KIAA0586: variants seen among roughly 807,000 people sequenced by gnomAD.
KIAA0586 encodes the protein protein TALPID3.
Under a neutral mutation model 169.8 loss-of-function variants are expected in KIAA0586, and 144 were observed. That is an observed-to-expected ratio of 0.85 (90% CI 0.74 to 0.97). The LOEUF is 0.97. Ranked by LOEUF, KIAA0586 falls within the 50% of genes least tolerant of loss-of-function variation. The probability of loss-of-function intolerance (pLI) is 0.00; values close to 1 mark genes in which losing one functional copy is unlikely to be tolerated. For synonymous variants in KIAA0586, 625 were observed against 612.4 expected, an observed-to-expected ratio of 1.02 and a Z score of -0.30; for missense variants, 1,854 against 1,823.0, an observed-to-expected ratio of 1.02 and a Z score of -0.31.
rs1475428349 is a variant in KIAA0586 at position 58,454,901 on chromosome 14, A to G, written c.1253+1428A>G. ...TGGTAGATGTTCTTTTTCTTTCAGC[A>G]TTTTGAATATGTCACCTGACTGCCT... On this transcript the variant is annotated intron_variant, in intron 9 of 30. Coordinates refer to ENST00000652326, the MANE Select transcript of KIAA0586 (RefSeq NM_001329943.3). Among the ~76,000 whole-genome samples the G allele has an allele frequency of 3.0e-4, 45 of 152,136 alleles. 1 individual carries two copies. The highest frequency in any genetic ancestry group is 2.9e-5 in the Non-Finnish European group (2 of 68,012).
At chr14:58,480,524 C>T (rs932480822) in intron 20 of KIAA0586, among the ~76,000 whole-genome samples, 1 of 152,018 alleles carries the variant, frequency 6.6e-6, no homozygotes, top group African/African-American at 2.4e-5. Flanking sequence ...GTATTTGGGC[C>T]GACAACTTGC....
chr14:58,456,023 C>T (rs923711724), intron 9 of KIAA0586, among the ~76,000 whole-genome samples: 3 of 61,958 alleles, frequency 4.8e-5, no homozygotes, highest in East Asian at 4.9e-4. Flanking sequence ...AGATGTTAAA[C>T]AATTGCCACC....
Position 58,482,399 on chromosome 14 carries a change from C to T in KIAA0586, c.2945-114C>T, listed in dbSNP as rs145407010. ...CAAGATCACATCATTGCACTCCAGC[C>T]TGGGTGACAGAGTGACACTACGTCT... On this transcript the variant is annotated intron_variant, in intron 20 of 30. Coordinates refer to ENST00000652326, the MANE Select transcript of KIAA0586 (RefSeq NM_001329943.3). 123 of 783,468 alleles carry T rather than the reference C, an allele frequency of 1.6e-4. No homozygotes were observed. The Middle Eastern group carries it at 2.4e-3, about 16-fold the overall frequency. The allele number at this position is 783,468 out of a possible 1,614,324, so 48.5% of individuals were successfully genotyped here. A position where few individuals can be genotyped will look rare whatever the true frequency, so the allele number is the denominator to read the frequency against.
intron 4 of KIAA0586, chr14:58,439,722 A>T: frequency 2.1e-6 from 1 of 487,730 alleles, no homozygotes; most frequent in Non-Finnish European, 2.7e-6. Context: ...TGACTTCAAC[A>T]TTTTGAGACT....
At chr14:58,528,148 A>T (rs1226791892) in intron 29 of KIAA0586, among the ~76,000 whole-genome samples, 1 of 152,262 alleles carries the variant, frequency 6.6e-6, no homozygotes, top group Non-Finnish European at 1.5e-5. Flanking sequence ...CGACAAGAAG[A>T]GCTAACTATC....
At chr14:58,445,988 C>A (rs1250246105) in intron 6 of KIAA0586, among the ~76,000 whole-genome samples, 1 of 151,432 alleles carries the variant, frequency 6.6e-6, no homozygotes, top group Admixed American at 6.6e-5. Context: ...CCTGCCACAG[C>A]CTCCCAAGTA....
intron 30 of KIAA0586, among the ~76,000 whole-genome samples, chr14:58,545,888 G>C (rs956984722): frequency 1.3e-5 from 2 of 151,944 alleles, no homozygotes; most frequent in Non-Finnish European, 2.9e-5. Flanking sequence ...TTAAAAATTA[G>C]CCAGGCATGG....
intron 24 of KIAA0586, 147 bp downstream of exon 24, chr14:58,489,021 A>T: frequency 1.2e-6 from 1 of 817,704 alleles, no homozygotes; most frequent in Non-Finnish European, 1.9e-6. Context: ...AATTTAGTTA[A>T]CTTTTCTGGG....
intron 26 of KIAA0586, 46 bp from the exon 27 acceptor site, chr14:58,498,737 T>C: frequency 6.6e-7 from 1 of 1,517,940 alleles, no homozygotes. Context: ...CTGTTTTGAC[T>C]TGATTTTAAT....
chr14:58,474,613 GA>G lies in KIAA0586; in HGVS notation c.2646del (p.Lys882AsnfsTer47). The G allele has an allele frequency of 6.3e-7, 1 of 1,579,518 alleles. No individual in the cohort carries two copies. The highest frequency in any genetic ancestry group is 8.6e-7 in the Non-Finnish European group (1 of 1,167,402). Reference protein sequence around the residue: ...DEIIDVIQEEEKCDEIPDSEP... With the variant: ...DEIIDVIQEEXKCDEIPDSEP... The stretch of plus-strand genomic sequence containing the variant: ...TTGTTTTTGTTACTACCAGGAAGAA[GA>G]AAAATGTGATGAAATTCCAGACTCT... On this transcript the variant is annotated frameshift_variant, in exon 19 of 31. Coordinates refer to ENST00000652326, the MANE Select transcript of KIAA0586 (RefSeq NM_001329943.3). LOFTEE classifies it high-confidence loss of function.
At chr14:58,537,572 T>C (rs1366804331) in intron 29 of KIAA0586, among the ~76,000 whole-genome samples, 1 of 152,216 alleles carries the variant, frequency 6.6e-6, no homozygotes, top group Non-Finnish European at 1.5e-5. Flanking sequence ...TTTCTGTCCC[T>C]CTCTAACTCT....
In KIAA0586 at chr14:58,488,858, A is replaced by G; in HGVS notation, c.3765A>G (p.Gln1255=). The change falls in exon 24 of 31, where the codon CAA becomes CAG. Residue 1255 remains glutamine, a synonymous_variant. Coordinates refer to ENST00000652326, the MANE Select transcript of KIAA0586 (RefSeq NM_001329943.3). The part of the protein sequence containing the change: ...SEGEILFSCG[Q]KLAPKILEDI... ...GAGAGATTTTATTTAGCTGTGGTCAAAAATTGGCCCCCAAGAGTAAGTTAA... is the reference window on the plus strand; with the variant it reads ...GAGAGATTTTATTTAGCTGTGGTCAGAAATTGGCCCCCAAGAGTAAGTTAA... 6.2e-7 allele frequency: 1 copy of G among 1,613,866 alleles called. No individual in the cohort carries two copies. The highest frequency in any genetic ancestry group is 8.5e-7 in the Non-Finnish European group (1 of 1,179,810).
At chr14:58,489,154 C>T (rs986298474) in intron 24 of KIAA0586, among the ~76,000 whole-genome samples, 1 of 151,468 alleles carries the variant, frequency 6.6e-6, no homozygotes, top group Non-Finnish European at 1.5e-5. Context: ...CACATAAATA[C>T]ATACGTATGT....
At chr14:58,458,615 A>G (rs2040066307) in intron 12 of KIAA0586, 70 bp downstream of exon 12, 1 of 775,012 alleles carries the variant, frequency 1.3e-6, no homozygotes, top group African/African-American at 1.8e-5. Flanking sequence ...ATTTACAGGC[A>G]TTACATTTGT....
At chr14:58,447,671 G>A (rs1355727054) in intron 6 of KIAA0586, among the ~76,000 whole-genome samples, 1 of 151,818 alleles carries the variant, frequency 6.6e-6, no homozygotes, top group African/African-American at 2.4e-5. Flanking sequence ...AGGAGAGACG[G>A]GGTTTCACCA....
At position 58,466,020 on chromosome 14, in the gene KIAA0586, A is replaced by C; in HGVS notation, c.2245A>C (p.Ile749Leu). The change falls in exon 15 of 31, where the codon ATT (isoleucine) becomes CTT (leucine). Residue 749 changes from isoleucine (I) to leucine (L), a missense_variant. By Grantham distance (5) the Ile-to-Leu change is conservative. Transcript: ENST00000652326. ...GGAAGGTCATCTGATTCCTATGGCA[A>C]TTCTTTTAGGTAAGAATCAACAAAA... Reference protein sequence around the residue: ...TLEGHLIPMAILLGQTQSNSD... With the variant: ...TLEGHLIPMALLLGQTQSNSD... 1 of 1,597,974 alleles carries C rather than the reference A, an allele frequency of 6.3e-7. No homozygotes were observed. The highest frequency in any genetic ancestry group is 8.5e-7 in the Non-Finnish European group (1 of 1,171,904).
chr14:58,440,235 C>T, intron 4 of KIAA0586: 1 of 433,640 alleles, frequency 2.3e-6, no homozygotes, highest in Non-Finnish European at 4.6e-6. Flanking sequence ...AACTGAGTGA[C>T]CTTCCTTTCT....
chr14:58,479,734 G>T (rs971556869), intron 20 of KIAA0586, among the ~76,000 whole-genome samples: 1 of 151,958 alleles, frequency 6.6e-6, no homozygotes, highest in African/African-American at 2.4e-5. Context: ...TTTGTTTGGG[G>T]TTTTTTGGCA....
At chr14:58,524,017 G>A (rs1236907845) in intron 29 of KIAA0586, among the ~76,000 whole-genome samples, 1 of 152,034 alleles carries the variant, frequency 6.6e-6, no homozygotes, top group African/African-American at 2.4e-5. Context: ...TTTCAAGCAG[G>A]TAACAGTGGA....
Sources: allele counts gnomAD v4.1 joint callset (sites outside exome capture counted in the v4.1 genomes callset), GRCh38; gene constraint gnomAD v4.1.1; transcripts MANE v1.5; gene names NCBI Gene and HGNC (gene_info 2026-07-23, HGNC 2026-07-21).